Variants in SYMPK observed in about 807,000 individuals in gnomAD.
SYMPK encodes the protein symplekin scaffold protein, also known as symplekin.
A neutral mutation model predicts 136.4 loss-of-function variants in SYMPK; 49 were observed. That is an observed-to-expected ratio of 0.36 (90% confidence interval 0.29 to 0.46). The LOEUF is 0.46. Among genes scored for constraint, SYMPK ranks in the 20% least tolerant of loss-of-function variants. The pLI is 1.00. For missense variants in SYMPK, 1,365 were observed against 1,690.0 expected (o/e 0.81, Z 3.37); for synonymous variants, 766 against 713.0 (o/e 1.07, Z -1.19).
At chr19:45,858,613 T>G (rs1971889007) in intron 1 of SYMPK, among the ~76,000 whole-genome samples, 1 of 152,112 alleles carries the variant, frequency 6.6e-6, no homozygotes, top group Non-Finnish European at 1.5e-5. Context: ...CCTCCCAAGT[T>G]CAAGCGATTC....
chr19:45,830,321 C>T, intron 12 of SYMPK, 117 bp from the exon 13 acceptor site: 1 of 1,169,960 alleles, frequency 8.5e-7, no homozygotes, highest in South Asian at 1.5e-5. Flanking sequence ...CATCCCCCTG[C>T]TGCCTCTCCA....
At chr19:45,844,343 G>GAGACT (rs1318974713) in intron 7 of SYMPK, 143 bp from the exon 8 acceptor site, 10 of 623,856 alleles carry the variant, frequency 1.6e-5, no homozygotes, top group Admixed American at 1.0e-4. Flanking sequence ...TGTGGTGGTT[G>GAGACT]ATTAGTTCTA....
In SYMPK at chr19:45,821,772, G is replaced by A. The variant is rs1164266419; in HGVS notation, c.2792-287C>T. Among the ~76,000 whole-genome samples, 5 of 152,302 alleles carry A rather than the reference G, an allele frequency of 3.3e-5. No individual in the cohort carries two copies. Among genetic ancestry groups the A allele is most frequent in the Admixed American group, 1.3e-4 (2 of 15,298 alleles). On this transcript the variant is annotated intron_variant, in intron 21 of 26. Transcript: ENST00000245934. This position sits in a 1 kb window ranked among gnomAD's most constrained non-coding sequence, Gnocchi z 4.4. Reference sequence around the variant, plus strand: ...CTCTGCCCCTGGGCTGTGCACCCCCGAGGGCAGGGTAGGACCACCTCCTCG... The same window carrying A: ...CTCTGCCCCTGGGCTGTGCACCCCCAAGGGCAGGGTAGGACCACCTCCTCG...
At chr19:45,815,742 C>T (rs1440748697) in intron 26 of SYMPK, 45 bp from the exon 27 acceptor site, 1 of 1,598,896 alleles carries the variant, frequency 6.3e-7, no homozygotes, top group Non-Finnish European at 8.5e-7. Flanking sequence ...AGGGCGCGGT[C>T]ACCTCCACGC....
chr19:45,818,045 T>G lies in SYMPK; in HGVS notation c.2995A>C (p.Met999Leu). 6.4e-7 allele frequency: 1 copy of G among 1,571,196 alleles called. No homozygotes were observed. Among genetic ancestry groups the G allele is most frequent in the South Asian group, 1.2e-5 (1 of 85,568 alleles). The part of the protein sequence containing the change: ...MEQSPLPMLL[M>L]RTVIQSLTMY... ...GTCAGGGACTGGATGACGGTCCTCA[T>G]GAGCAGCATGGGCAGGGGGCTCTGC... Residue 999 changes from methionine (M) to leucine (L), a missense_variant, in exon 23 of 27, where the codon ATG becomes CTG. This residue lies in a region of SYMPK where 156 missense variants were observed against 217.8 expected (regional missense o/e 0.72). Transcript: ENST00000245934.
chr19:45,816,334 G>A (rs775267201), intron 25 of SYMPK, 148 bp downstream of exon 25: 29 of 1,243,568 alleles, frequency 2.3e-5, no homozygotes, highest in Non-Finnish European at 2.9e-5. Context: ...CCAACTCCCA[G>A]CAGGAGCATC....
chr19:45,846,739 G>A (rs1971569533), intron 7 of SYMPK, among the ~76,000 whole-genome samples: 1 of 152,050 alleles, frequency 6.6e-6, no homozygotes, highest in South Asian at 2.1e-4. Context: ...CAGGACTGAG[G>A]GAGGGGACAT....
chr19:45,838,204 C>G (rs886934747), intron 10 of SYMPK, among the ~76,000 whole-genome samples: 1 of 152,032 alleles, frequency 6.6e-6, no homozygotes, highest in African/African-American at 2.4e-5. Context: ...TGCTCCTGCT[C>G]TGCCACACGA....
In SYMPK at chr19:45,815,905, C is replaced by T. The variant is rs750347785; in HGVS notation, c.3633G>A (p.Ser1211=). The T allele has an allele frequency of 6.2e-7, 1 of 1,612,300 alleles. No homozygotes were observed. The highest frequency in any genetic ancestry group is 1.7e-5 in the Admixed American group (1 of 59,970). ...PGIFISMDDD[S]GLTEAALLDS... ...CCAACAGCGCGGCCTCGGTCAGCCCCGAGTCGTCATCCATGCTGATGAAGA... is the reference window on the plus strand; with the variant it reads ...CCAACAGCGCGGCCTCGGTCAGCCCTGAGTCGTCATCCATGCTGATGAAGA... The change falls in exon 26 of 27, where the codon TCG becomes TCA. Residue 1211 remains serine, a synonymous_variant. Transcript: ENST00000245934.
rs1191057207 is a variant in SYMPK, at chr19:45,827,841, T to A, written c.2063A>T (p.Asp688Val). The change falls in exon 15 of 27, where the codon GAT (aspartate) becomes GTT (valine). Residue 688 changes from aspartate (D) to valine (V), a missense_variant. Physicochemically the swap from Asp to Val is radical, Grantham distance 152. Around this residue, in one of 11 missense-constraint regions of SYMPK, gnomAD observed 303 missense variants for 326.6 expected, o/e 0.93. Transcript: ENST00000245934. The part of the protein sequence containing the change: ...ALEVVRKYCE[D>V]ESRTYLGMST... Reference sequence around the variant, plus strand: ...CTGACCAGGGCCTGTCCTCACCTCATCCTCGCAGTACTTGCGGACCACCTC... The same window carrying A: ...CTGACCAGGGCCTGTCCTCACCTCAACCTCGCAGTACTTGCGGACCACCTC... The A allele has an allele frequency of 6.2e-7, 1 of 1,613,808 alleles. No homozygotes were observed. The highest frequency in any genetic ancestry group is 8.5e-7 in the Non-Finnish European group (1 of 1,180,004).
rs755358842 is a variant in SYMPK, at chr19:45,815,861, G to A, written c.3677C>T (p.Pro1226Leu). 21 of 1,611,664 alleles carry A rather than the reference G, an allele frequency of 1.3e-5. No homozygotes were observed. Among genetic ancestry groups the A allele is most frequent in the Middle Eastern group, 3.3e-4 (2 of 6,082 alleles). ...GGCTGCTCTCCCTACCTTGGGTAGG[G>A]GGCCCTCGAGACTAGAGTCCAACAG... The part of the protein sequence containing the change: ...AALLDSSLEG[P>L]LPKETAAGGL... Residue 1226 changes from proline to leucine, a missense_variant, in exon 26 of 27, where the codon CCC (proline) becomes CTC (leucine). Physicochemically the swap from Pro to Leu is moderately conservative, Grantham distance 98. This residue lies in a region of SYMPK where 341 missense variants were observed against 270.5 expected (regional missense o/e 1.26). Coordinates refer to ENST00000245934, the MANE Select transcript of SYMPK (RefSeq NM_004819.3).
In SYMPK at chr19:45,816,834, G is replaced by T; in HGVS notation, c.3222C>A (p.Pro1074=). 6.5e-7 allele frequency: 1 copy of T among 1,545,602 alleles called. No homozygotes were observed. ...TGAAGGAGCGGACATGGGCCAGCAG[G>T]GGCTCCCGGAGCTCTGGGCACTTGT... ...VFDKCPELRE[P]LLAHVRSFTP... The change falls in exon 24 of 27, where the codon CCC becomes CCA. Residue 1074 remains proline (P), a synonymous_variant. Coordinates refer to ENST00000245934, the MANE Select transcript of SYMPK (RefSeq NM_004819.3).
At position 45,856,171 on chromosome 19, in the gene SYMPK, T is replaced by C. The variant is rs151086780; in HGVS notation, c.-12-1664A>G. On this transcript the variant is annotated intron_variant, in intron 1 of 26. Coordinates refer to ENST00000245934, the MANE Select transcript of SYMPK (RefSeq NM_004819.3). ...GAGTTTGAGACCAGCCTGGCCAACA[T>C]GGTGAAACCCCATCTCTAGTAAAAA... 1.2e-3 allele frequency among the ~76,000 whole-genome samples: 176 copies of C among 152,094 alleles called. 4 individuals are homozygous for C. In the East Asian group the frequency reaches 0.033, roughly 29 times the overall value.
Position 45,825,242 on chromosome 19 carries a change from C to T in SYMPK, c.2419G>A (p.Glu807Lys). Residue 807 changes from glutamate to lysine, a missense_variant, in exon 18 of 27, where the codon GAA (glutamate) becomes AAA (lysine). By Grantham distance (56) the Glu-to-Lys change is moderately conservative. Around this residue, in one of 11 missense-constraint regions of SYMPK, gnomAD observed 92 missense variants for 198.6 expected, o/e 0.46. Transcript: ENST00000245934. The stretch of plus-strand genomic sequence containing the variant: ...GCTTCAGTGTACACGGCCGCCAGTT[C>T]GTGGATCAGCTTGTGGTTCTGAGGC... ...LLPQNHKLIH[E>K]LAAVYTEAIA... 1 of 1,614,172 alleles carries T rather than the reference C, an allele frequency of 6.2e-7. No homozygotes were observed. Among genetic ancestry groups the T allele is most frequent in the East Asian group, 2.2e-5 (1 of 44,878 alleles).
At chr19:45,861,082 G>A (rs897336691) in intron 1 of SYMPK, among the ~76,000 whole-genome samples, 3 of 152,028 alleles carry the variant, frequency 2.0e-5, no homozygotes, top group Non-Finnish European at 4.4e-5. Context: ...ATGGCATGCC[G>A]TCCCCAGTCA....
rs560051742 is a variant in SYMPK at position 45,838,253 on chromosome 19, G to A, written c.1242+208C>T. On this transcript the variant is annotated intron_variant, in intron 10 of 26. Coordinates refer to ENST00000245934, the MANE Select transcript of SYMPK (RefSeq NM_004819.3). ...CCTTCACCTTTCACTATGATTGGAAGCTTCCTGAGGTTTCCCCAGAAGCTA... is the reference window on the plus strand; with the variant it reads ...CCTTCACCTTTCACTATGATTGGAAACTTCCTGAGGTTTCCCCAGAAGCTA... Among the ~76,000 whole-genome samples, 3 of 152,038 alleles carry A rather than the reference G, an allele frequency of 2.0e-5. No homozygotes were observed. In the South Asian group the frequency reaches 6.3e-4, roughly 32 times the overall value.
At chr19:45,817,907 G>GCC in intron 23 of SYMPK, 52 bp downstream of exon 23, 5 of 1,497,862 alleles carry the variant, frequency 3.3e-6, no homozygotes, top group Non-Finnish European at 4.5e-6. Context: ...GGGCAAGCAG[G>GCC]CTAGAAGCTG....
chr19:45,853,687 G>A (rs1433971185), intron 3 of SYMPK, among the ~76,000 whole-genome samples: 7 of 151,942 alleles, frequency 4.6e-5, no homozygotes, highest in Admixed American at 2.6e-4. Flanking sequence ...CCATGGCTTG[G>A]TTCAAAAGTC....
chr19:45,859,268 TTTCTCACTAC>T (rs755863296), intron 1 of SYMPK, among the ~76,000 whole-genome samples: 2 of 150,766 alleles, frequency 1.3e-5, no homozygotes, highest in Non-Finnish European at 2.9e-5. Flanking sequence ...TTTTTCCCCC[TTTCTCACTAC>T]TGCACTTGAC....
Sources: gnomAD v4.1 joint callset for allele counts (sites outside exome capture counted in the v4.1 genomes callset) on GRCh38, gnomAD v4.1.1 for gene constraint, gnomAD v4.1.1 regional missense constraint, Gnocchi (gnomAD v3.1) non-coding constraint, MANE v1.5 for transcripts, NCBI Gene and HGNC (gene_info 2026-07-23, HGNC 2026-07-21) for gene names.